The following EPHA5 variants were observed in gnomAD, a reference collection of about 807,000 sequenced individuals.
EPHA5 encodes the protein EPH receptor A5, also known as ephrin type-A receptor 5.
A neutral mutation model predicts 105.0 loss-of-function variants in EPHA5; 60 were observed. That is an observed-to-expected ratio of 0.57 (90% confidence interval 0.46 to 0.71). EPHA5 has a LOEUF of 0.71. Among genes scored for constraint, EPHA5 ranks in the 30% least tolerant of loss-of-function variants. The pLI, the probability that EPHA5 is intolerant of heterozygous loss-of-function variation, is 0.00. For missense variants in EPHA5, 1,218 were observed against 1,274.7 expected, an observed-to-expected ratio of 0.96 and a Z score of 0.68; for synonymous variants, 513 against 449.1, an observed-to-expected ratio of 1.14 and a Z score of -1.80.
chr4:65,382,617 A>G (rs554527944), intron 8 of EPHA5, among the ~76,000 whole-genome samples: 1 of 151,964 alleles, frequency 6.6e-6, no homozygotes, highest in Non-Finnish European at 1.5e-5. Flanking sequence ...TTACATAACA[A>G]CAGTTCTCTA....
At chr4:65,562,627 A>G (rs1739133421) in intron 3 of EPHA5, among the ~76,000 whole-genome samples, 1 of 152,068 alleles carries the variant, frequency 6.6e-6, no homozygotes, top group Non-Finnish European at 1.5e-5. Flanking sequence ...GTCACAGAGA[A>G]GACGCATACC....
rs547019889 is a variant in EPHA5 at position 65,652,849 on chromosome 4, T to C, written c.182-9422A>G. 7.9e-5 allele frequency among the ~76,000 whole-genome samples: 12 copies of C among 152,208 alleles called. No individual in the cohort carries two copies. In the East Asian group the frequency reaches 1.7e-3, roughly 22 times the overall value. On this transcript the variant is annotated intron_variant, in intron 1 of 16. Coordinates refer to ENST00000613740, the MANE Select transcript of EPHA5 (RefSeq NM_001281766.3). The stretch of plus-strand genomic sequence containing the variant: ...AAATTTTCAAAAATAAGTTACAAGA[T>C]TCCAGAAAGCAAATGAGAAAGCAAC...
At chr4:65,570,979 C>G (rs1240347286) in intron 3 of EPHA5, among the ~76,000 whole-genome samples, 1 of 151,970 alleles carries the variant, frequency 6.6e-6, no homozygotes, top group African/African-American at 2.4e-5. Flanking sequence ...CAAGAAAGAT[C>G]ATAGCAATCA....
chr4:65,473,829 C>T (rs559240224), intron 5 of EPHA5, among the ~76,000 whole-genome samples: 4 of 151,486 alleles, frequency 2.6e-5, no homozygotes, highest in East Asian at 1.9e-4. Context: ...TTTTTGACAC[C>T]CTTTTCTCCC....
Position 65,602,214 on chromosome 4 carries a change from G to C in EPHA5, c.337C>G (p.Leu113Val), listed in dbSNP as rs756748785. The C allele has an allele frequency of 6.2e-7, 1 of 1,613,512 alleles. No individual in the cohort carries two copies. The change falls in exon 3 of 17, where the codon CTT (leucine) becomes GTT (valine). Residue 113 changes from leucine (L) to valine (V), a missense_variant. Physicochemically the swap from Leu to Val is conservative, Grantham distance 32 (BLOSUM62 1). Transcript: ENST00000613740. Reference protein sequence around the residue: ...KVMEQNQNNWLLTSWISNEGA... With the variant: ...KVMEQNQNNWVLTSWISNEGA... ...TCATTGGAGATCCAACTGGTCAAAA[G>C]CCAGTTATTCTGATTCTGTTCCATC...
chr4:65,574,959 T>A, intron 3 of EPHA5, among the ~76,000 whole-genome samples: 1 of 151,874 alleles, frequency 6.6e-6, no homozygotes, highest in South Asian at 2.1e-4. Flanking sequence ...TGAACAAGGT[T>A]TCCTTTCTAG....
At position 65,574,711 on chromosome 4, in the gene EPHA5, T is replaced by TATATATACAC. The variant is rs1369011617; in HGVS notation, c.910+26929_910+26930insGTGTATATAT. Among the ~76,000 whole-genome samples the TATATATACAC allele has an allele frequency of 1.9e-3, 165 of 87,424 alleles. 1 individual carries two copies. The highest frequency in any genetic ancestry group is 8.2e-3 in the Middle Eastern group (1 of 122). The allele number at this position is 87,424 out of a possible 152,430, so 57.4% of individuals were successfully genotyped here. A position where few individuals can be genotyped will look rare whatever the true frequency, so the allele number is the denominator to read the frequency against. On this transcript the variant is annotated intron_variant, in intron 3 of 16. Coordinates refer to ENST00000613740, the MANE Select transcript of EPHA5 (RefSeq NM_001281766.3). ...ATACATATATATACATATATATACA[T>TATATATACAC]ATATATATACATATATATACATATA...
At chr4:65,495,973 G>A (rs961629522) in intron 3 of EPHA5, among the ~76,000 whole-genome samples, 2 of 152,094 alleles carry the variant, frequency 1.3e-5, no homozygotes, top group Non-Finnish European at 2.9e-5. Flanking sequence ...TTGTGTTATT[G>A]AATAATAAAT....
intron 3 of EPHA5, among the ~76,000 whole-genome samples, chr4:65,514,214 G>A (rs1733892180): frequency 6.6e-6 from 1 of 151,982 alleles, no homozygotes; most frequent in African/African-American, 2.4e-5. Context: ...TCCCACTGTG[G>A]CTGCCACAGA....
intron 8 of EPHA5, among the ~76,000 whole-genome samples, chr4:65,385,125 A>G (rs546842669): frequency 1.3e-5 from 2 of 152,050 alleles, no homozygotes; most frequent in African/African-American, 2.4e-5. Context: ...CGTCAGCTCA[A>G]ATAAATAACG....
intron 8 of EPHA5, among the ~76,000 whole-genome samples, chr4:65,401,912 A>T (rs34647515): frequency 0.037 from 5,652 of 150,774 alleles, 340 homozygotes; most frequent in African/African-American, 0.13. Context: ...TGTGAGAGAG[A>T]GAGAGAGAGA....
intron 3 of EPHA5, among the ~76,000 whole-genome samples, chr4:65,528,086 T>C (rs1735411677): frequency 6.6e-6 from 1 of 152,156 alleles, no homozygotes; most frequent in African/African-American, 2.4e-5. Flanking sequence ...AAATAAAATC[T>C]ATCAACAATT....
chr4:65,326,385 T>C (rs1720083329), intron 16 of EPHA5, among the ~76,000 whole-genome samples: 1 of 151,300 alleles, frequency 6.6e-6, no homozygotes, highest in Admixed American at 6.6e-5. Context: ...CAGTAATTTA[T>C]TCATCTATAA....
intron 13 of EPHA5, among the ~76,000 whole-genome samples, chr4:65,351,080 T>C (rs978551767): frequency 3.9e-5 from 6 of 151,954 alleles, no homozygotes; most frequent in Admixed American, 2.6e-4. Flanking sequence ...TGTATTTAAC[T>C]CCTTACTTTG....
chr4:65,463,831 A>C (rs1377945295), intron 5 of EPHA5, among the ~76,000 whole-genome samples: 1 of 152,086 alleles, frequency 6.6e-6, no homozygotes, highest in African/African-American at 2.4e-5. Context: ...GCTTATATAC[A>C]TAGAGATCCT....
At chr4:65,573,598 A>G (rs1436274740) in intron 3 of EPHA5, 3 of 1,598,984 alleles carry the variant, frequency 1.9e-6, no homozygotes, top group Non-Finnish European at 2.5e-6. Context: ...TGCAGCCGCA[A>G]CCCTGTCCTT....
At chr4:65,407,040 T>C (rs1578039115) in intron 7 of EPHA5, among the ~76,000 whole-genome samples, 1 of 152,140 alleles carries the variant, frequency 6.6e-6, no homozygotes, top group Admixed American at 6.6e-5. Flanking sequence ...ATCTGTATAA[T>C]GAAAATGGTG....
chr4:65,581,415 T>A (rs73824322), intron 3 of EPHA5, among the ~76,000 whole-genome samples: 180 of 151,840 alleles, frequency 1.2e-3, no homozygotes, highest in African/African-American at 4.3e-3. Context: ...TTACATATCC[T>A]ACAAAGTCAA....
At chr4:65,611,169 A>G (rs1744724746) in intron 2 of EPHA5, among the ~76,000 whole-genome samples, 1 of 152,178 alleles carries the variant, frequency 6.6e-6, no homozygotes, top group African/African-American at 2.4e-5. Context: ...GCACACACCC[A>G]CGATTAAGAA....
Sources: allele counts gnomAD v4.1 joint callset (sites outside exome capture counted in the v4.1 genomes callset), GRCh38; gene constraint gnomAD v4.1.1; transcripts MANE v1.5; gene names NCBI Gene and HGNC (gene_info 2026-07-23, HGNC 2026-07-21).